NELL2: variants seen among roughly 807,000 people sequenced by gnomAD.
NELL2 encodes the protein protein kinase C-binding protein NELL2.
Under a neutral mutation model 109.6 loss-of-function variants are expected in NELL2, and 41 were observed. That is an observed-to-expected ratio of 0.37 (90% CI 0.29 to 0.49). The LOEUF (loss-of-function observed/expected upper bound fraction) is 0.49. NELL2 is among the 20% of genes least tolerant of loss of function. The pLI, the probability that NELL2 is intolerant of heterozygous loss-of-function variation, is 0.98. For synonymous variants in NELL2, 355 were observed against 344.7 expected (o/e 1.03, Z -0.33); for missense variants, 900 against 1,008.3 (o/e 0.89, Z 1.45).
intron 16 of NELL2, among the ~76,000 whole-genome samples, chr12:44,531,060 A>C (rs1942030560): frequency 6.6e-6 from 1 of 152,234 alleles, no homozygotes; most frequent in South Asian, 2.1e-4. Context: ...TAACACAGTC[A>C]ACAGAGGTAT....
intron 9 of NELL2, among the ~76,000 whole-genome samples, chr12:44,718,654 T>C (rs1938612069): frequency 6.6e-6 from 1 of 152,332 alleles, no homozygotes; most frequent in Non-Finnish European, 1.5e-5. Context: ...GCTGAGTGAT[T>C]GATTGAATAT....
At chr12:44,549,763 A>T (rs1460512733) in intron 15 of NELL2, among the ~76,000 whole-genome samples, 1 of 152,216 alleles carries the variant, frequency 6.6e-6, no homozygotes, top group East Asian at 1.9e-4. Context: ...ATAAATGGAA[A>T]GATATCCTAA....
chr12:44,609,216 C>G (rs911051285), intron 14 of NELL2, among the ~76,000 whole-genome samples: 1 of 151,942 alleles, frequency 6.6e-6, no homozygotes, highest in Middle Eastern at 3.4e-3. Flanking sequence ...CCCCAAAGTG[C>G]TAGGATTACA....
intron 12 of NELL2, among the ~76,000 whole-genome samples, chr12:44,690,600 C>T (rs1036778711): frequency 7.9e-5 from 12 of 151,636 alleles, no homozygotes; most frequent in African/African-American, 2.9e-4. Context: ...TAACAAAGCA[C>T]AAAAACATCA....
At chr12:44,716,006 C>T (rs1443866555) in intron 9 of NELL2, among the ~76,000 whole-genome samples, 1 of 151,726 alleles carries the variant, frequency 6.6e-6, no homozygotes, top group Non-Finnish European at 1.5e-5. Context: ...TGCTGTGTTG[C>T]CCACGATGGT....
intron 9 of NELL2, among the ~76,000 whole-genome samples, chr12:44,746,296 C>A (rs35402068): frequency 6.6e-6 from 1 of 151,968 alleles, no homozygotes; most frequent in African/African-American, 2.4e-5. Flanking sequence ...CAAAAATTAA[C>A]TCAAGATGGA....
At chr12:44,644,625 T>TATAC (rs1455589223) in intron 13 of NELL2, among the ~76,000 whole-genome samples, 36 of 98,760 alleles carry the variant, frequency 3.6e-4, no homozygotes, top group Middle Eastern at 5.2e-3. Context: ...TATATATATA[T>TATAC]ACATACATAT....
At chr12:44,542,601 TGGGC>T (rs1257205373) in intron 15 of NELL2, among the ~76,000 whole-genome samples, 2 of 152,096 alleles carry the variant, frequency 1.3e-5, no homozygotes, top group Non-Finnish European at 2.9e-5. Flanking sequence ...GGACTTAAGA[TGGGC>T]CCCAAATCCA....
At chr12:44,741,730 C>G (rs142274611) in intron 9 of NELL2, among the ~76,000 whole-genome samples, 3,286 of 152,316 alleles carry the variant, frequency 0.022, 112 homozygotes, top group African/African-American at 0.074. Context: ...TGAGATCAAA[C>G]TGCAAGGTGG....
chr12:44,782,228 T>C (rs1410679130), intron 3 of NELL2, among the ~76,000 whole-genome samples: 1 of 151,912 alleles, frequency 6.6e-6, no homozygotes, highest in African/African-American at 2.4e-5. Flanking sequence ...TATGTATATA[T>C]AATGGAATAC....
chr12:44,736,493 G>A (rs1269981540), intron 9 of NELL2, among the ~76,000 whole-genome samples: 1 of 151,764 alleles, frequency 6.6e-6, no homozygotes, highest in African/African-American at 2.4e-5. Flanking sequence ...TAAAATATAT[G>A]TATAATTGAC....
At chr12:44,687,714 G>A (rs1256160637) in intron 12 of NELL2, among the ~76,000 whole-genome samples, 1 of 152,172 alleles carries the variant, frequency 6.6e-6, no homozygotes, top group Non-Finnish European at 1.5e-5. Context: ...GTATTTCTTA[G>A]AAGAAAAGAT....
chr12:44,886,084 T>TAAGGAAGGAAGGAAGGAAGGAAGG (rs60040149), intron 1 of NELL2, among the ~76,000 whole-genome samples: 1 of 115,732 alleles, frequency 8.6e-6, no homozygotes, highest in Non-Finnish European at 1.8e-5. Context: ...ATCCATATAG[T>TAAGGAAGGAAGGAAGGAAGGAAGG]AAGGAAGGAA....
At chr12:44,716,768 C>A (rs1174159778) in intron 9 of NELL2, among the ~76,000 whole-genome samples, 1 of 151,734 alleles carries the variant, frequency 6.6e-6, no homozygotes, top group Non-Finnish European at 1.5e-5. Flanking sequence ...CAAGTCCAAG[C>A]GTATGTGGAA....
rs189102194 is a variant in NELL2, at chr12:44,891,595, A to G, written c.39-15695T>C. On this transcript the variant is annotated intron_variant, in intron 1 of 20. Coordinates refer to the NELL2 transcript ENST00000333837. ...AGTGATTAGATGTTATTCTCTTTAA[A>G]TTTTTTCTCTTTATTTGTAACACTG... Among the ~76,000 whole-genome samples, 618 of 151,536 alleles carry G rather than the reference A, an allele frequency of 4.1e-3. 2 individuals are homozygous for G. The highest frequency in any genetic ancestry group is 7.2e-3 in the Non-Finnish European group (488 of 67,900).
intron 9 of NELL2, among the ~76,000 whole-genome samples, chr12:44,750,138 A>G (rs553209492): frequency 1.3e-5 from 2 of 152,284 alleles, no homozygotes; most frequent in South Asian, 4.1e-4. Context: ...TTCAAAGAGA[A>G]AGAAAACCAC....
chr12:44,615,323 G>A (rs1197705467), intron 13 of NELL2, among the ~76,000 whole-genome samples: 2 of 151,906 alleles, frequency 1.3e-5, no homozygotes, highest in Non-Finnish European at 2.9e-5. Context: ...GAATCTCGAG[G>A]CCCTTATAAT....
chr12:44,803,154 GC>G (rs549847846), intron 3 of NELL2, among the ~76,000 whole-genome samples: 70 of 152,090 alleles, frequency 4.6e-4, no homozygotes, highest in African/African-American at 1.3e-3. Context: ...CCAGGGTGAG[GC>G]CCTACAGAAT....
intron 2 of NELL2, among the ~76,000 whole-genome samples, chr12:44,854,608 T>C (rs1439892603): frequency 6.6e-6 from 1 of 152,024 alleles, no homozygotes; most frequent in Non-Finnish European, 1.5e-5. Flanking sequence ...TAAAATACTG[T>C]TATCTAATCT....
Sources: gnomAD v4.1 joint callset for allele counts (sites outside exome capture counted in the v4.1 genomes callset) on GRCh38, gnomAD v4.1.1 for gene constraint, MANE v1.5 for transcripts, NCBI Gene and HGNC (gene_info 2026-07-23, HGNC 2026-07-21) for gene names.